The following MGAT5B variants were observed in gnomAD, a reference collection of about 807,000 sequenced individuals.
MGAT5B encodes the protein N-acetylglucosaminyl-transferase Vb.
A neutral mutation model predicts 95.1 loss-of-function variants in MGAT5B; 54 were observed. That is an observed-to-expected ratio of 0.57 (90% CI 0.46 to 0.71). MGAT5B has a LOEUF of 0.71. MGAT5B is among the 30% of genes least tolerant of loss of function. The pLI, the probability that MGAT5B is intolerant of heterozygous loss-of-function variation, is 0.00. For synonymous variants in MGAT5B, 464 were observed against 451.0 expected (o/e 1.03, Z -0.36); for missense variants, 935 against 1,088.6 (o/e 0.86, Z 1.99).
Position 76,930,775 on chromosome 17 carries a change from AAC to A in MGAT5B, c.1292-1868_1292-1867del, listed in dbSNP as rs1969452723. Among the ~76,000 whole-genome samples the A allele has an allele frequency of 6.6e-6, 1 of 152,188 alleles. No individual in the cohort carries two copies. Among genetic ancestry groups the A allele is most frequent in the East Asian group, 1.9e-4 (1 of 5,192 alleles). On this transcript the variant is annotated intron_variant, in intron 10 of 17. Transcript: ENST00000569840. The surrounding 1 kb of genome is among the most constrained non-coding windows in gnomAD (Gnocchi z 4.1). Reference sequence around the variant, plus strand: ...GAAATCCCGGGGCAATCCCTGCTGTAACAGAGACCTAACTGCCGCAGATGGGG... The same window carrying A: ...GAAATCCCGGGGCAATCCCTGCTGTAAGAGACCTAACTGCCGCAGATGGGG...
At chr17:76,932,409 T>C (rs1969520709) in intron 10 of MGAT5B, among the ~76,000 whole-genome samples, 1 of 152,106 alleles carries the variant, frequency 6.6e-6, no homozygotes, top group Non-Finnish European at 1.5e-5. Flanking sequence ...GTTGGGATTA[T>C]AGGCGTGAGT....
At position 76,904,138 on chromosome 17, in the gene MGAT5B, G is replaced by A; in HGVS notation, c.520-114G>A. On this transcript the variant is annotated intron_variant, in intron 5 of 17. Transcript: ENST00000569840. ...TGTCCCCTGTTGCATCAGTAGGGTG[G>A]GCCACATGGGCCCCATCCTTGACCT... 3 of 1,070,746 alleles carry A rather than the reference G, an allele frequency of 2.8e-6. No homozygotes were observed. In the South Asian group the frequency reaches 4.8e-5, roughly 17 times the overall value. The allele number at this position is 1,070,746 out of a possible 1,614,324, so 66.3% of individuals were successfully genotyped here. A position where few individuals can be genotyped will look rare whatever the true frequency, so the allele number is the denominator to read the frequency against.
In MGAT5B at chr17:76,912,813, C is replaced by G. The variant is rs549797415; in HGVS notation, c.1025+6626C>G. Among the ~76,000 whole-genome samples, 7 of 152,288 alleles carry G rather than the reference C, an allele frequency of 4.6e-5. No homozygotes were observed. The South Asian group carries it at 1.5e-3, about 32-fold the overall frequency. The stretch of plus-strand genomic sequence containing the variant: ...GTCCCCGCCCGCGCCCCGCCGTGTG[C>G]GGAGGGAAGAAGCCAAACCCTAGTG... On this transcript the variant is annotated intron_variant, in intron 8 of 17. Coordinates refer to ENST00000569840, the MANE Select transcript of MGAT5B (RefSeq NM_001199172.2). This position sits in a 1 kb window ranked among gnomAD's most constrained non-coding sequence, Gnocchi z 5.0.
chr17:76,900,192 C>A (rs1046943753), intron 3 of MGAT5B, among the ~76,000 whole-genome samples: 2 of 152,070 alleles, frequency 1.3e-5, no homozygotes, highest in African/African-American at 2.4e-5. Context: ...TGGTAATGAA[C>A]CTTGATGAGT....
Position 76,903,304 on chromosome 17 carries a change from G to A in MGAT5B, c.447G>A (p.Val149=). ...CAGCAAGGTGACCTCTCCCTACAGT[G>A]TCAGAAGGCCGGCGGGACCAGTGTG... ...LRHSLLLHSK[V]SEGRRDQCEA... The change falls in exon 5 of 18, where the codon GTG becomes GTA. Residue 149 remains valine (V), a splice_region_variant and synonymous_variant. Transcript: ENST00000569840. 6.2e-7 allele frequency: 1 copy of A among 1,610,636 alleles called. No individual in the cohort carries two copies. Among genetic ancestry groups the A allele is most frequent in the Non-Finnish European group, 8.5e-7 (1 of 1,178,410 alleles).
chr17:76,871,426 G>A (rs907844050), intron 1 of MGAT5B, among the ~76,000 whole-genome samples: 37 of 152,306 alleles, frequency 2.4e-4, no homozygotes, highest in Admixed American at 3.9e-4. Context: ...TGGTCTTCGA[G>A]TCTCTCCTTG....
intron 2 of MGAT5B, among the ~76,000 whole-genome samples, chr17:76,876,926 C>T (rs1967214470): frequency 6.6e-6 from 1 of 152,218 alleles, no homozygotes; most frequent in African/African-American, 2.4e-5. Flanking sequence ...CCAGGTCCTC[C>T]TCCTGTTTCC....
chr17:76,948,777 G>A lies in MGAT5B; in HGVS notation c.2318G>A (p.Arg773Gln), dbSNP rs1208414379. The part of the protein sequence containing the change: ...SCAGSNTKYR[R>Q]LCPCRDFRKG... ...GCCGGCTCCAACACCAAGTACCGCC[G>A]GCTCTGCCCCTGCCGCGACTTCCGC... The change falls in exon 18 of 18, where the codon CGG becomes CAG. Residue 773 changes from arginine (R) to glutamine (Q), a missense_variant. Arg to Gln is a conservative substitution (Grantham distance 43). Coordinates refer to ENST00000569840, the MANE Select transcript of MGAT5B (RefSeq NM_001199172.2). 1.9e-6 allele frequency: 3 copies of A among 1,609,392 alleles called. No homozygotes were observed. Among genetic ancestry groups the A allele is most frequent in the South Asian group, 1.1e-5 (1 of 90,202 alleles).
chr17:76,882,088 G>A (rs537108231), intron 2 of MGAT5B, 63 bp from the exon 3 acceptor site: 100 of 1,528,116 alleles, frequency 6.5e-5, no homozygotes, highest in African/African-American at 1.5e-4. Flanking sequence ...GCCCCAGCTC[G>A]GACACCAGGT....
Position 76,906,469 on chromosome 17 carries a change from G to T in MGAT5B, c.1025+282G>T, listed in dbSNP as rs898423126. ...TGTTTCTGCTCAGGGGCTGACACGT[G>T]TTGGCTTGTGGAATTGAGCCACGTC... On this transcript the variant is annotated intron_variant, in intron 8 of 17. Transcript: ENST00000569840. The surrounding 1 kb of genome is among the most constrained non-coding windows in gnomAD (Gnocchi z 4.6). Among the ~76,000 whole-genome samples, 30 of 152,366 alleles carry T rather than the reference G, an allele frequency of 2.0e-4. No homozygotes were observed. Among genetic ancestry groups the T allele is most frequent in the African/African-American group, 7.0e-4 (29 of 41,592 alleles).
At chr17:76,888,989 C>T (rs575591156) in intron 3 of MGAT5B, among the ~76,000 whole-genome samples, 5 of 152,284 alleles carry the variant, frequency 3.3e-5, no homozygotes, top group East Asian at 1.9e-4. Flanking sequence ...GCACGAGGGT[C>T]GGCCTTGGGA....
intron 8 of MGAT5B, among the ~76,000 whole-genome samples, chr17:76,911,262 C>A (rs1331619884): frequency 6.6e-6 from 1 of 152,248 alleles, no homozygotes; most frequent in Non-Finnish European, 1.5e-5. Context: ...GCCCAGTACA[C>A]AGTCTGGCGG....
chr17:76,945,241 T>A (rs1026126862), intron 15 of MGAT5B, among the ~76,000 whole-genome samples: 2 of 152,222 alleles, frequency 1.3e-5, no homozygotes, highest in Non-Finnish European at 2.9e-5. Flanking sequence ...CCCAAGCTAC[T>A]GCATGCATCT....
Position 76,948,947 on chromosome 17 carries a change from A to C in MGAT5B, c.*109A>C. 1 of 1,219,330 alleles carries C rather than the reference A, an allele frequency of 8.2e-7. No individual in the cohort carries two copies. The highest frequency in any genetic ancestry group is 1.1e-6 in the Non-Finnish European group (1 of 892,340). 75.5% of individuals were successfully genotyped at this position (1,219,330 alleles called of 1,614,324 possible). Reference sequence around the variant, plus strand: ...TGCTTGTCCTCCTCGCAACCCCCCCAGGCCGGAGCTTCCTTCCTTAGCCGG... The same window carrying C: ...TGCTTGTCCTCCTCGCAACCCCCCCCGGCCGGAGCTTCCTTCCTTAGCCGG... On this transcript the variant is annotated 3_prime_UTR_variant, in exon 18 of 18. Coordinates refer to ENST00000569840, the MANE Select transcript of MGAT5B (RefSeq NM_001199172.2).
intron 8 of MGAT5B, among the ~76,000 whole-genome samples, chr17:76,910,050 A>G (rs1421732978): frequency 2.0e-5 from 3 of 152,112 alleles, no homozygotes; most frequent in Non-Finnish European, 4.4e-5. Flanking sequence ...ACCTTGAAAT[A>G]GCAGGTCCAG....
Position 76,947,860 on chromosome 17 carries a change from C to T in MGAT5B, c.1954C>T (p.Pro652Ser), listed in dbSNP as rs1970081890. 2 of 1,592,182 alleles carry T rather than the reference C, an allele frequency of 1.3e-6. No individual in the cohort carries two copies. Among genetic ancestry groups the T allele is most frequent in the African/African-American group, 2.7e-5 (2 of 74,366 alleles). The change falls in exon 17 of 18, where the codon CCA becomes TCA. Residue 652 changes from proline (P) to serine (S), a missense_variant. By Grantham distance (74) the Pro-to-Ser change is moderately conservative (BLOSUM62 -1). Around this residue, in one of 4 missense-constraint regions of MGAT5B, gnomAD observed 440 missense variants for 523.6 expected, o/e 0.84. Coordinates refer to ENST00000569840, the MANE Select transcript of MGAT5B (RefSeq NM_001199172.2). Reference sequence around the variant, plus strand: ...CTGCAGAGCTCCAGACCCTGCCCTACCAGAGGCCCACGCCCCGCAGAGCCC... The same window carrying T: ...CTGCAGAGCTCCAGACCCTGCCCTATCAGAGGCCCACGCCCCGCAGAGCCC... ...DFCRAPDPAL[P>S]EAHAPQSPFV...
At chr17:76,931,015 G>A (rs570364775) in intron 10 of MGAT5B, among the ~76,000 whole-genome samples, 1 of 152,346 alleles carries the variant, frequency 6.6e-6, no homozygotes, top group Admixed American at 6.5e-5. Flanking sequence ...CATAAAGCCA[G>A]CCCAGGCTCT....
rs1968965806 is a variant in MGAT5B, at chr17:76,917,139, G to C, written c.1026-7827G>C. On this transcript the variant is annotated intron_variant, in intron 8 of 17. Coordinates refer to ENST00000569840, the MANE Select transcript of MGAT5B (RefSeq NM_001199172.2). This position sits in a 1 kb window ranked among gnomAD's most constrained non-coding sequence, Gnocchi z 6.1. ...GCTCTCAAGTCCGGGTTTAGTGTGA[G>C]GATTTTGCACACCAACCATCACTGC... Among the ~76,000 whole-genome samples, 2 of 152,212 alleles carry C rather than the reference G, an allele frequency of 1.3e-5. No individual in the cohort carries two copies. Among genetic ancestry groups the C allele is most frequent in the Admixed American group, 6.5e-5 (1 of 15,280 alleles).
chr17:76,934,401 C>G (rs1969590367), intron 12 of MGAT5B, among the ~76,000 whole-genome samples: 1 of 152,174 alleles, frequency 6.6e-6, no homozygotes, highest in Non-Finnish European at 1.5e-5. Context: ...GGCCCTGACC[C>G]CACAGCCTGT....
Sources: allele counts gnomAD v4.1 joint callset (sites outside exome capture counted in the v4.1 genomes callset), GRCh38; gene constraint gnomAD v4.1.1; regional missense constraint gnomAD v4.1.1; non-coding constraint Gnocchi (gnomAD v3.1); transcripts MANE v1.5; gene names NCBI Gene and HGNC (gene_info 2026-07-23, HGNC 2026-07-21).